RAB3IL1: variants seen among roughly 807,000 people sequenced by gnomAD.
RAB3IL1 encodes the protein RAB3A interacting protein like 1, also known as guanine nucleotide exchange factor for Rab-3A.
In RAB3IL1, 37 loss-of-function variants were observed where a neutral mutation model predicts 49.2. The observed-to-expected ratio is 0.75, with a 90% CI of 0.58 to 0.99. The LOEUF is 0.99. Ranked by LOEUF, RAB3IL1 falls within the 50% of genes least tolerant of loss-of-function variation. The pLI is 0.00. For missense variants in RAB3IL1, 484 were observed against 513.0 expected (o/e 0.94, Z 0.55); for synonymous variants, 193 against 213.9 (o/e 0.90, Z 0.85).
chr11:61,921,285 G>A (rs1054702320), upstream of RAB3IL1, among the ~76,000 whole-genome samples: 40 of 152,132 alleles, frequency 2.6e-4, no homozygotes, highest in African/African-American at 8.4e-4. Context: ...GGGGTCAGAC[G>A]GGCTGGATTC....
chr11:61,945,745 G>A, the RAB3IL1 span: 2 of 984,676 alleles, frequency 2.0e-6, no homozygotes, highest in East Asian at 2.3e-4. Flanking sequence ...GGGGGTGGGT[G>A]GAAGGTGGAT....
the RAB3IL1 span, among the ~76,000 whole-genome samples, chr11:61,944,347 C>G: frequency 6.6e-6 from 1 of 151,826 alleles, no homozygotes; most frequent in East Asian, 1.9e-4. Flanking sequence ...TCATAGCTCA[C>G]TGCAGCCTCA....
the RAB3IL1 span, among the ~76,000 whole-genome samples, chr11:61,929,012 C>CA: frequency 9.3e-5 from 14 of 150,834 alleles, no homozygotes; most frequent in East Asian, 3.9e-4. Flanking sequence ...TTACAAAAAA[C>CA]AAAAAAAAAT....
the RAB3IL1 span, among the ~76,000 whole-genome samples, chr11:61,934,341 CACACACACACATAT>C: frequency 6.2e-5 from 9 of 144,988 alleles, no homozygotes; most frequent in Middle Eastern, 7.0e-3. Flanking sequence ...CACACACACA[CACACACACACATAT>C]GTATATATAT....
At position 61,906,732 on chromosome 11, in the gene RAB3IL1, T is replaced by A; in HGVS notation, c.439-48A>T. On this transcript the variant is annotated intron_variant, in intron 4 of 9. Transcript: ENST00000394836. The surrounding 1 kb of genome is among the most constrained non-coding windows in gnomAD (Gnocchi z 4.6). ...CAACCCTCACCCAGACTGGATGCCA[T>A]CCTGGCTGCCACCGCCTATCAGCCT... 1.3e-6 allele frequency: 2 copies of A among 1,529,530 alleles called. No individual in the cohort carries two copies. 94.7% of individuals were successfully genotyped at this position (1,529,530 alleles called of 1,614,324 possible). A position where few individuals can be genotyped will look rare whatever the true frequency, so the allele number is the denominator to read the frequency against.
chr11:61,930,007 C>T, the RAB3IL1 span, among the ~76,000 whole-genome samples: 1 of 151,016 alleles, frequency 6.6e-6, no homozygotes, highest in African/African-American at 2.4e-5. Flanking sequence ...ATTCCCCTGC[C>T]TCGGCCTCCT....
At chr11:61,944,673 T>C in the RAB3IL1 span, among the ~76,000 whole-genome samples, 4 of 152,142 alleles carry the variant, frequency 2.6e-5, no homozygotes, top group Non-Finnish European at 4.4e-5. Flanking sequence ...TGTCCTGTAG[T>C]TGTTTTGCCA....
At chr11:61,934,446 GTATGTA>G in the RAB3IL1 span, among the ~76,000 whole-genome samples, 13 of 24,406 alleles carry the variant, frequency 5.3e-4, no homozygotes, top group African/African-American at 8.9e-4. Flanking sequence ...GTGTGTGTGT[GTATGTA>G]TATATATATA....
chr11:61,909,225 T>C (rs540962789), intron 1 of RAB3IL1, among the ~76,000 whole-genome samples: 3 of 145,212 alleles, frequency 2.1e-5, no homozygotes, highest in African/African-American at 7.7e-5. Flanking sequence ...CTGATATCAG[T>C]GAGGGAAGTT....
At chr11:61,913,226 G>A (rs1939536397) in intron 1 of RAB3IL1, among the ~76,000 whole-genome samples, 1 of 152,142 alleles carries the variant, frequency 6.6e-6, no homozygotes, top group Non-Finnish European at 1.5e-5. Context: ...GGACACCAGA[G>A]CCGAAGAGTG....
intron 1 of RAB3IL1, among the ~76,000 whole-genome samples, chr11:61,908,508 T>C (rs1314625645): frequency 1.3e-5 from 2 of 152,254 alleles, no homozygotes; most frequent in Non-Finnish European, 2.9e-5. Flanking sequence ...AAGAGGCTTA[T>C]TACTCTTTGT....
At chr11:61,946,180 GT>G in the RAB3IL1 span, among the ~76,000 whole-genome samples, 2 of 152,176 alleles carry the variant, frequency 1.3e-5, no homozygotes, top group South Asian at 4.1e-4. Flanking sequence ...CAAGAGAGGG[GT>G]GTGGGCTGGC....
chr11:61,913,974 T>C (rs1015644026), intron 1 of RAB3IL1, among the ~76,000 whole-genome samples: 8 of 152,164 alleles, frequency 5.3e-5, no homozygotes, highest in African/African-American at 1.9e-4. Flanking sequence ...TCTCCACCTG[T>C]TGAGGGGTAG....
the RAB3IL1 span, among the ~76,000 whole-genome samples, chr11:61,938,499 C>T: frequency 6.6e-6 from 1 of 152,054 alleles, no homozygotes; most frequent in Non-Finnish European, 1.5e-5. Flanking sequence ...CAAAGAGAAA[C>T]ATTTTGTAAT....
chr11:61,915,292 T>C (rs867507410), intron 1 of RAB3IL1, among the ~76,000 whole-genome samples: 6 of 152,012 alleles, frequency 3.9e-5, no homozygotes, highest in Non-Finnish European at 7.4e-5. Flanking sequence ...GCTGGGAATA[T>C]GGCAGGGGGG....
chr11:61,936,646 G>A, the RAB3IL1 span, among the ~76,000 whole-genome samples: 2 of 152,272 alleles, frequency 1.3e-5, no homozygotes, highest in East Asian at 1.9e-4. Context: ...CCCGCCTGAA[G>A]AGAGAATCTT....
intron 1 of RAB3IL1, among the ~76,000 whole-genome samples, chr11:61,914,883 C>T (rs1186059038): frequency 6.6e-6 from 1 of 152,216 alleles, no homozygotes; most frequent in African/African-American, 2.4e-5. Context: ...CCCAAATATA[C>T]ACCTGCCAGA....
chr11:61,944,567 C>A, the RAB3IL1 span, among the ~76,000 whole-genome samples: 1 of 152,048 alleles, frequency 6.6e-6, no homozygotes, highest in Non-Finnish European at 1.5e-5. Context: ...GCAGAGGGAC[C>A]ACAGAAAAAA....
At chr11:61,918,202 T>G (rs1257815576), upstream of RAB3IL1, among the ~76,000 whole-genome samples, 1 of 150,764 alleles carries the variant, frequency 6.6e-6, no homozygotes, top group Non-Finnish European at 1.5e-5. Flanking sequence ...CCGTGAAACC[T>G]TCCCTGAATC....
Sources: allele counts gnomAD v4.1 joint callset (sites outside exome capture counted in the v4.1 genomes callset), GRCh38; gene constraint gnomAD v4.1.1; non-coding constraint Gnocchi (gnomAD v3.1); transcripts MANE v1.5; gene names NCBI Gene and HGNC (gene_info 2026-07-23, HGNC 2026-07-21).